AK4: variants seen among roughly 807,000 people sequenced by gnomAD.
The protein encoded by AK4 is adenylate kinase 4.
A neutral mutation model predicts 24.6 loss-of-function variants in AK4; 13 were observed. The ratio of observed to expected loss-of-function variants is 0.53; its 90% CI spans 0.34 to 0.84. The LOEUF is 0.84. Ranked by LOEUF, AK4 falls within the 40% of genes least tolerant of loss-of-function variation. AK4 has a pLI of 0.01. For missense variants in AK4, 192 were observed against 288.2 expected (o/e 0.67, Z 2.42); for synonymous variants, 88 against 107.0 (o/e 0.82, Z 1.10).
intron 1 of AK4, among the ~76,000 whole-genome samples, chr1:65,183,200 A>G (rs1650967826): frequency 6.6e-6 from 1 of 152,166 alleles, no homozygotes; most frequent in Admixed American, 6.5e-5. Flanking sequence ...CAGGACCAAA[A>G]TCAGCCTTTT....
At chr1:65,200,689 A>T (rs1215583145) in intron 2 of AK4, among the ~76,000 whole-genome samples, 2 of 152,156 alleles carry the variant, frequency 1.3e-5, no homozygotes, top group East Asian at 3.9e-4. Context: ...ATTTTCGATA[A>T]GTATTTATTG....
chr1:65,164,976 A>C (rs1388690054), intron 1 of AK4, among the ~76,000 whole-genome samples: 1 of 152,208 alleles, frequency 6.6e-6, no homozygotes, highest in African/African-American at 2.4e-5. Context: ...AAATGGGTAG[A>C]CTTTAAACTT....
In AK4 at chr1:65,225,652, A is replaced by G. The variant is rs565734306; in HGVS notation, c.558-411A>G. The stretch of plus-strand genomic sequence containing the variant: ...GGCCTTGTAGTCCCCCCCAAAATTT[A>G]GCAAACCTTAAGATCAGAGTTTTAT... On this transcript the variant is annotated intron_variant, in intron 4 of 4. Transcript: ENST00000327299. Among the ~76,000 whole-genome samples, 935 of 152,332 alleles carry G rather than the reference A, an allele frequency of 6.1e-3. 12 individuals are homozygous for G. The highest frequency in any genetic ancestry group is 0.022 in the African/African-American group (900 of 41,576).
In AK4 at chr1:65,191,729, TAAG is replaced by T. The variant is rs10588883; in HGVS notation, c.265+901_265+903del. ...GCTTTAGGGAGCACTGAAGAGTTGT[TAAG>T]TAGGGGTATAATATGATCATATTTC... On this transcript the variant is annotated intron_variant, in intron 2 of 4. Coordinates refer to ENST00000327299, the MANE Select transcript of AK4 (RefSeq NM_013410.4). Among the ~76,000 whole-genome samples the T allele has an allele frequency of 3.8e-3, 572 of 152,096 alleles. 3 individuals are homozygous for T. Among genetic ancestry groups the T allele is most frequent in the African/African-American group, 0.013 (545 of 41,468 alleles).
intron 1 of AK4, among the ~76,000 whole-genome samples, chr1:65,170,143 G>A (rs1650461454): frequency 6.6e-6 from 1 of 152,160 alleles, no homozygotes; most frequent in South Asian, 2.1e-4. Flanking sequence ...TTGGGAGGCG[G>A]AGGCGGGCGG....
intron 3 of AK4, among the ~76,000 whole-genome samples, chr1:65,219,468 C>CA (rs1322142820): frequency 6.6e-6 from 1 of 151,736 alleles, no homozygotes; most frequent in Admixed American, 6.6e-5. Flanking sequence ...AAAACAAAAC[C>CA]AAAAAAATCT....
At chr1:65,216,580 A>C (rs950228729) in intron 2 of AK4, among the ~76,000 whole-genome samples, 1 of 124,102 alleles carries the variant, frequency 8.1e-6, no homozygotes, top group Non-Finnish European at 1.5e-5. Flanking sequence ...GTTTGCGGGG[A>C]AAGAGTTTAT....
chr1:65,213,719 T>C (rs915303705), intron 2 of AK4, among the ~76,000 whole-genome samples: 2 of 152,188 alleles, frequency 1.3e-5, no homozygotes, highest in Non-Finnish European at 2.9e-5. Flanking sequence ...GCATTACCCT[T>C]TGTCATGGGC....
intron 1 of AK4, chr1:65,154,539 T>G: frequency 5.7e-6 from 3 of 526,228 alleles, no homozygotes; most frequent in South Asian, 4.2e-5. Context: ...GTTCTCGCTC[T>G]TGTCGCGTCT....
At chr1:65,196,732 C>CT (rs1254040639) in intron 2 of AK4, among the ~76,000 whole-genome samples, 1 of 152,134 alleles carries the variant, frequency 6.6e-6, no homozygotes, top group Non-Finnish European at 1.5e-5. Flanking sequence ...GCCCAAAGTG[C>CT]TGGGATTACA....
At chr1:65,152,344 CTCTCTCTCTCTCTCTCTATATA>C (rs1277693070) in intron 1 of AK4, among the ~76,000 whole-genome samples, 5 of 43,238 alleles carry the variant, frequency 1.2e-4, no homozygotes, top group African/African-American at 5.3e-4. Context: ...CTCTCTCTCT[CTCTCTCTCTCTCTCTCTATATA>C]TATATATATA....
intron 1 of AK4, 99 bp from the exon 2 acceptor site, chr1:65,190,611 A>G: frequency 7.4e-7 from 1 of 1,359,680 alleles, no homozygotes; most frequent in Middle Eastern, 2.7e-4. Flanking sequence ...ATTTCTTCCC[A>G]CATCAGGAAG....
At chr1:65,179,230 G>A (rs1158395788) in intron 1 of AK4, among the ~76,000 whole-genome samples, 2 of 152,184 alleles carry the variant, frequency 1.3e-5, no homozygotes, top group African/African-American at 2.4e-5. Flanking sequence ...CAGCAGCTCG[G>A]TTCTTTAGTA....
chr1:65,154,401 G>T, intron 1 of AK4: 1 of 385,388 alleles, frequency 2.6e-6, no homozygotes, highest in Non-Finnish European at 5.3e-6. Flanking sequence ...TGCATACTTT[G>T]CTGATTAAGA....
intron 1 of AK4, among the ~76,000 whole-genome samples, chr1:65,162,761 T>G (rs955114917): frequency 1.3e-5 from 2 of 152,140 alleles, no homozygotes; most frequent in Non-Finnish European, 2.9e-5. Flanking sequence ...TTCAGAACAT[T>G]TTCATTTCTC....
At chr1:65,214,561 T>C (rs976267402) in intron 2 of AK4, among the ~76,000 whole-genome samples, 3 of 152,172 alleles carry the variant, frequency 2.0e-5, no homozygotes, top group African/African-American at 7.2e-5. Flanking sequence ...TAGAGATAAA[T>C]CTAGGCATTA....
rs192805714 is a variant in AK4 at position 65,178,612 on chromosome 1, T to C, written c.146-12098T>C. 2.6e-5 allele frequency among the ~76,000 whole-genome samples: 4 copies of C among 152,300 alleles called. No individual in the cohort carries two copies. In the East Asian group the frequency reaches 7.7e-4, roughly 29 times the overall value. On this transcript the variant is annotated intron_variant, in intron 1 of 4. Transcript: ENST00000327299. The stretch of plus-strand genomic sequence containing the variant: ...GAGAAAAATGATCAGGGAAAGCTTC[T>C]TAGAGGAACACACAAACTGAAGGGT...
intron 1 of AK4, among the ~76,000 whole-genome samples, chr1:65,165,141 T>G (rs1473790897): frequency 6.6e-6 from 1 of 152,222 alleles, no homozygotes; most frequent in African/African-American, 2.4e-5. Context: ...ATGAAAACAC[T>G]TTTTTAAGAA....
intron 1 of AK4, among the ~76,000 whole-genome samples, chr1:65,158,418 A>C (rs1650047193): frequency 6.6e-6 from 1 of 152,186 alleles, no homozygotes; most frequent in South Asian, 2.1e-4. Flanking sequence ...AGGAGTTGGA[A>C]ATTTTGTAAG....
Sources: allele counts gnomAD v4.1 joint callset (sites outside exome capture counted in the v4.1 genomes callset), GRCh38; gene constraint gnomAD v4.1.1; transcripts MANE v1.5; gene names NCBI Gene and HGNC (gene_info 2026-07-23, HGNC 2026-07-21).